Variants in MAP3K14 observed in about 807,000 individuals in gnomAD.
MAP3K14 encodes the protein mitogen-activated protein kinase kinase kinase 14, also known as NF-kappa-beta-inducing kinase.
In MAP3K14, 16 loss-of-function variants were observed where a neutral mutation model predicts 99.2. That is an observed-to-expected ratio of 0.16 (90% CI 0.11 to 0.24). The LOEUF (loss-of-function observed/expected upper bound fraction) is 0.24. Ranked by LOEUF, MAP3K14 falls within the 10% of genes least tolerant of loss-of-function variation. MAP3K14 has a pLI of 1.00. For missense variants in MAP3K14, 784 were observed against 1,208.7 expected (o/e 0.65, Z 5.21); for synonymous variants, 462 against 492.4 (o/e 0.94, Z 0.82).
rs1023427255 is a variant in MAP3K14, at chr17:45,267,704, C to T, written c.2028G>A (p.Pro676=). ...RGEYKEPRHP[P]PNQANYHQTL... is the part of the protein sequence containing the mutation. ...TCTGGTGGTAATTGGCTTGATTTGG[C>T]GGTGGATGTCTTGGTTCTTTATATT... The change falls in exon 12 of 16, where the codon CCG becomes CCA. Residue 676 remains proline, a synonymous_variant. Transcript: ENST00000344686. This position sits in a 1 kb window ranked among gnomAD's most constrained non-coding sequence, Gnocchi z 5.1. 2.5e-6 allele frequency: 4 copies of T among 1,613,642 alleles called. No homozygotes were observed. Among genetic ancestry groups the T allele is most frequent in the East Asian group, 2.2e-5 (1 of 44,890 alleles).
intron 6 of MAP3K14, among the ~76,000 whole-genome samples, chr17:45,282,554 CAAAAA>C (rs11452454): frequency 1.6e-5 from 2 of 123,682 alleles, no homozygotes; most frequent in Non-Finnish European, 3.4e-5. Context: ...GATCCTGTCT[CAAAAA>C]AAAAAAAAAA....
At position 45,266,560 on chromosome 17, in the gene MAP3K14, G is replaced by T. The variant is rs1365040135; in HGVS notation, c.2555C>A (p.Thr852Asn). The change falls in exon 14 of 16, where the codon ACC becomes AAC. Residue 852 changes from threonine (T) to asparagine (N), a missense_variant. By Grantham distance (65) the Thr-to-Asn change is moderately conservative. Around this residue, in one of 5 missense-constraint regions of MAP3K14, gnomAD observed 130 missense variants for 220.4 expected, o/e 0.59. Coordinates refer to ENST00000344686, the MANE Select transcript of MAP3K14 (RefSeq NM_003954.5). ...WNMVLARGRP[T>N]DTPSYFNGVK... ...ACCATTGAAATAGCTTGGGGTGTCG[G>T]TGGGCCGCCCCCGGGCCAGCACCAT... is the stretch of plus-strand genomic sequence containing the variant. 2 of 1,613,102 alleles carry T rather than the reference G, an allele frequency of 1.2e-6. No individual in the cohort carries two copies. The highest frequency in any genetic ancestry group is 1.7e-6 in the Non-Finnish European group (2 of 1,179,720).
At chr17:45,280,083 G>A (rs2044210341) in intron 6 of MAP3K14, among the ~76,000 whole-genome samples, 1 of 152,198 alleles carries the variant, frequency 6.6e-6, no homozygotes. Flanking sequence ...CAGAGCAGGT[G>A]TTTGGTGACA....
intron 1 of MAP3K14, among the ~76,000 whole-genome samples, chr17:45,305,966 G>A (rs543550212): frequency 4.6e-5 from 7 of 152,324 alleles, no homozygotes; most frequent in African/African-American, 1.4e-4. Context: ...CAATTCCTTG[G>A]CAGCTAAAGC....
At chr17:45,298,638 A>G (rs1398959510) in intron 1 of MAP3K14, among the ~76,000 whole-genome samples, 1 of 152,250 alleles carries the variant, frequency 6.6e-6, no homozygotes, top group Non-Finnish European at 1.5e-5. Context: ...CTGAGGCTTT[A>G]TGTTGAGTAA....
At chr17:45,309,695 T>A (rs1277682499) in intron 1 of MAP3K14, among the ~76,000 whole-genome samples, 1 of 152,202 alleles carries the variant, frequency 6.6e-6, no homozygotes, top group Non-Finnish European at 1.5e-5. Flanking sequence ...GTATTCTAAC[T>A]GCACCCCAGC....
Position 45,286,501 on chromosome 17 carries a change from G to C in MAP3K14, c.1082C>G (p.Ala361Gly). The part of the protein sequence containing the change: ...HSLTSLAKTW[A>G]ARGSRSREPS... ...CTCCCGGGATCTGGAGCCCCTTGCT[G>C]CCCAGGTCTTGGCCAGGCTGGTCAG... Residue 361 changes from alanine (A) to glycine (G), a missense_variant, in exon 5 of 16, where the codon GCA (alanine) becomes GGA (glycine). By Grantham distance (60) the Ala-to-Gly change is moderately conservative. Transcript: ENST00000344686. The surrounding 1 kb of genome is among the most constrained non-coding windows in gnomAD (Gnocchi z 4.1). 6.2e-7 allele frequency: 1 copy of C among 1,606,442 alleles called. No homozygotes were observed. The highest frequency in any genetic ancestry group is 8.5e-7 in the Non-Finnish European group (1 of 1,176,510).
Position 45,265,228 on chromosome 17 carries a change from G to A in MAP3K14, c.2614C>T (p.His872Tyr), listed in dbSNP as rs1488923704. Residue 872 changes from histidine to tyrosine, a missense_variant, in exon 15 of 16, where the codon CAC becomes TAC. Around this residue, in one of 5 missense-constraint regions of MAP3K14, gnomAD observed 130 missense variants for 220.4 expected, o/e 0.59. Transcript: ENST00000344686. ...CGGTGGAACTCCCGGATGTGCAGGT[G>A]TTCACCATTAAGAGACTGTATTTGG... ...KVQIQSLNGE[H>Y]LHIREFHRVK... is the part of the protein sequence containing the mutation. The A allele has an allele frequency of 1.9e-6, 3 of 1,613,858 alleles. No homozygotes were observed. The highest frequency in any genetic ancestry group is 1.7e-5 in the Admixed American group (1 of 60,022).
At chr17:45,302,428 C>T (rs1382027621) in intron 1 of MAP3K14, among the ~76,000 whole-genome samples, 2 of 152,158 alleles carry the variant, frequency 1.3e-5, no homozygotes, top group Non-Finnish European at 2.9e-5. Flanking sequence ...CTGCCTCAGC[C>T]TCCTGAGCAG....
rs760823535 is a variant in MAP3K14 at position 45,267,581 on chromosome 17, G to C, written c.2151C>G (p.Leu717=). Residue 717 remains leucine (L), a synonymous_variant, in exon 12 of 16, where the codon CTC becomes CTG. Transcript: ENST00000344686. The surrounding 1 kb of genome is among the most constrained non-coding windows in gnomAD (Gnocchi z 5.1). ...TGRAPKLQPP[L]PPEPPEPNKS... is the part of the protein sequence containing the mutation. ...TGTTTGGCTCTGGGGGCTCTGGTGG[G>C]AGAGGAGGCTGGAGCTTAGGGGCTC... 1.2e-6 allele frequency: 2 copies of C among 1,613,272 alleles called. No individual in the cohort carries two copies. The highest frequency in any genetic ancestry group is 2.7e-5 in the African/African-American group (2 of 74,896).
At chr17:45,287,932 G>A (rs2044280338) in intron 3 of MAP3K14, among the ~76,000 whole-genome samples, 1 of 152,206 alleles carries the variant, frequency 6.6e-6, no homozygotes, top group African/African-American at 2.4e-5. Context: ...CTGCTGCCTG[G>A]TACTGGGGAG....
At chr17:45,307,987 G>A (rs971540246) in intron 1 of MAP3K14, among the ~76,000 whole-genome samples, 2 of 152,192 alleles carry the variant, frequency 1.3e-5, no homozygotes, top group African/African-American at 4.8e-5. Flanking sequence ...GGACATGAGT[G>A]GCAGAGGGGT....
chr17:45,264,604 C>T lies in MAP3K14; in HGVS notation c.*32G>A, dbSNP rs368175725. 9.7e-6 allele frequency: 15 copies of T among 1,540,988 alleles called. No individual in the cohort carries two copies. Among genetic ancestry groups the T allele is most frequent in the Middle Eastern group, 1.8e-4 (1 of 5,706 alleles). On this transcript the variant is annotated 3_prime_UTR_variant, in exon 16 of 16. Coordinates refer to ENST00000344686, the MANE Select transcript of MAP3K14 (RefSeq NM_003954.5). ...GTGCACCGAGCAGGAAGGCTGCTTC[C>T]GGCAGTGTGGAGCCGGCGGTGGAGG...
chr17:45,267,630 CG>C lies in MAP3K14; in HGVS notation c.2101del (p.Arg701GlyfsTer30). Reference sequence around the variant, plus strand: ...TCTGCCTGTTGTCTCCTCAGCTGGCCGGGGCCCTGGGGCCCTTGGCGAAAGC... The same window carrying C: ...TCTGCCTGTTGTCTCCTCAGCTGGCCGGGCCCTGGGGCCCTTGGCGAAAGC... ...RELSPRAPGP[R>X]PAEETTGRAP... On this transcript the variant is annotated frameshift_variant, in exon 12 of 16. Transcript: ENST00000344686. LOFTEE classifies it high-confidence loss of function. This position sits in a 1 kb window ranked among gnomAD's most constrained non-coding sequence, Gnocchi z 5.1. 1 of 1,613,328 alleles carries C rather than the reference CG, an allele frequency of 6.2e-7. No individual in the cohort carries two copies. Among genetic ancestry groups the C allele is most frequent in the Non-Finnish European group, 8.5e-7 (1 of 1,179,724 alleles).
Position 45,286,581 on chromosome 17 carries a change from C to T in MAP3K14, c.1002G>A (p.Glu334=), listed in dbSNP as rs768035757. ...CTTGCAGAGCATGCACTAGGTATTC[C>T]TCCACAGAAAACTTCTCATGGGCAC... The part of the protein sequence containing the change: ...SRGAHEKFSV[E]EYLVHALQGS... The change falls in exon 5 of 16, where the codon GAG becomes GAA. Residue 334 remains glutamate, a synonymous_variant. Transcript: ENST00000344686. The surrounding 1 kb of genome is among the most constrained non-coding windows in gnomAD (Gnocchi z 4.1). The T allele has an allele frequency of 1.1e-5, 17 of 1,611,436 alleles. No individual in the cohort carries two copies. Among genetic ancestry groups the T allele is most frequent in the African/African-American group, 1.3e-5 (1 of 74,996 alleles).
chr17:45,287,859 G>A (rs551791046), intron 3 of MAP3K14, among the ~76,000 whole-genome samples: 1 of 152,328 alleles, frequency 6.6e-6, no homozygotes, highest in Non-Finnish European at 1.5e-5. Flanking sequence ...AGGTAAGGCT[G>A]GTCACCTCCA....
chr17:45,284,023 A>G (rs1421796648), intron 6 of MAP3K14, among the ~76,000 whole-genome samples: 1 of 152,160 alleles, frequency 6.6e-6, no homozygotes, highest in Non-Finnish European at 1.5e-5. Context: ...GGGCCCGGAT[A>G]GTGTGATCTG....
intron 1 of MAP3K14, among the ~76,000 whole-genome samples, chr17:45,304,438 T>G (rs574076268): frequency 6.6e-6 from 1 of 152,374 alleles, no homozygotes; most frequent in South Asian, 2.1e-4. Flanking sequence ...TTCACATTTA[T>G]GTGTACATGT....
chr17:45,284,509 C>T (rs1055082675), intron 6 of MAP3K14, among the ~76,000 whole-genome samples: 8 of 152,228 alleles, frequency 5.3e-5, no homozygotes, highest in African/African-American at 1.9e-4. Flanking sequence ...CATGACGCTC[C>T]AACCATCTTC....
Sources: gnomAD v4.1 joint callset for allele counts (sites outside exome capture counted in the v4.1 genomes callset) on GRCh38, gnomAD v4.1.1 for gene constraint, gnomAD v4.1.1 regional missense constraint, Gnocchi (gnomAD v3.1) non-coding constraint, MANE v1.5 for transcripts, NCBI Gene and HGNC (gene_info 2026-07-23, HGNC 2026-07-21) for gene names.